Variants in CFAP299 observed in about 807,000 individuals in gnomAD.
The protein encoded by CFAP299 is cilia and flagella associated protein 299.
A neutral mutation model predicts 27.0 loss-of-function variants in CFAP299; 21 were observed. The ratio of observed to expected loss-of-function variants is 0.78; its 90% CI spans 0.55 to 1.12. The LOEUF (loss-of-function observed/expected upper bound fraction) is 1.12. CFAP299 is among the 50% of genes most tolerant of loss of function. The pLI is 0.00. For synonymous variants in CFAP299, 104 were observed against 98.1 expected (o/e 1.06, Z -0.36); for missense variants, 310 against 276.6 (o/e 1.12, Z -0.86).
intron 2 of CFAP299, among the ~76,000 whole-genome samples, chr4:80,520,606 C>T (rs1409576018): frequency 6.6e-6 from 1 of 152,148 alleles, no homozygotes; most frequent in Non-Finnish European, 1.5e-5. Flanking sequence ...AAGTTCCCAA[C>T]GTATTGAGGC....
intron 1 of CFAP299, 59 bp downstream of exon 1, chr4:80,335,938 T>G: frequency 9.1e-7 from 1 of 1,094,258 alleles, no homozygotes; most frequent in Non-Finnish European, 1.4e-6. Context: ...CCTCCTCGAG[T>G]TCCCGCTTCG....
intron 3 of CFAP299, among the ~76,000 whole-genome samples, chr4:80,824,848 G>C (rs558077984): frequency 2.0e-5 from 3 of 152,100 alleles, no homozygotes; most frequent in East Asian, 3.9e-4. Flanking sequence ...CAAATATCCA[G>C]TTTTTAACAA....
intron 3 of CFAP299, among the ~76,000 whole-genome samples, chr4:80,648,090 TAG>T (rs1740116580): frequency 6.6e-6 from 1 of 152,134 alleles, no homozygotes; most frequent in Non-Finnish European, 1.5e-5. Flanking sequence ...TAAGAAAAGT[TAG>T]TTAATGTTTT....
intron 4 of CFAP299, among the ~76,000 whole-genome samples, chr4:80,926,665 A>G (rs1736321905): frequency 6.6e-6 from 1 of 152,070 alleles, no homozygotes; most frequent in African/African-American, 2.4e-5. Context: ...TCATCAAATT[A>G]TGACTCACAA....
intron 3 of CFAP299, among the ~76,000 whole-genome samples, chr4:80,595,880 TC>T (rs146047708): frequency 6.6e-6 from 1 of 152,314 alleles, no homozygotes; most frequent in African/African-American, 2.4e-5. Context: ...GGAGGAACGT[TC>T]AGTTCCAAAA....
intron 3 of CFAP299, among the ~76,000 whole-genome samples, chr4:80,700,277 A>G (rs1721389043): frequency 6.6e-6 from 1 of 152,110 alleles, no homozygotes; most frequent in Admixed American, 6.6e-5. Flanking sequence ...TAATTACTTC[A>G]TAGGACTTTT....
At chr4:80,775,250 G>T (rs1726466020) in intron 3 of CFAP299, among the ~76,000 whole-genome samples, 1 of 151,800 alleles carries the variant, frequency 6.6e-6, no homozygotes. Context: ...GGATATATTT[G>T]TAAGGTATGA....
chr4:80,911,320 T>C (rs1286602007), intron 4 of CFAP299, among the ~76,000 whole-genome samples: 2 of 151,786 alleles, frequency 1.3e-5, no homozygotes, highest in Non-Finnish European at 2.9e-5. Context: ...CCTCCCATTC[T>C]ATTCAACCAA....
chr4:80,944,974 T>C (rs1284505382), intron 5 of CFAP299, 35 bp downstream of exon 5: 1 of 1,576,498 alleles, frequency 6.3e-7, no homozygotes, highest in South Asian at 1.1e-5. Context: ...AGTTACCTCT[T>C]CACATGTTAT....
At chr4:80,493,555 G>C (rs1731252808) in intron 2 of CFAP299, among the ~76,000 whole-genome samples, 1 of 152,056 alleles carries the variant, frequency 6.6e-6, no homozygotes, top group Admixed American at 6.5e-5. Flanking sequence ...GAGTCAGGGT[G>C]GAGTAGGTAA....
At chr4:80,599,899 A>G (rs1411822173) in intron 3 of CFAP299, among the ~76,000 whole-genome samples, 5 of 152,160 alleles carry the variant, frequency 3.3e-5, no homozygotes, top group Admixed American at 6.6e-5. Flanking sequence ...TTGATTATCA[A>G]TGGGAAACTT....
At chr4:80,395,740 A>G (rs1175891937) in intron 2 of CFAP299, among the ~76,000 whole-genome samples, 1 of 152,126 alleles carries the variant, frequency 6.6e-6, no homozygotes, top group Non-Finnish European at 1.5e-5. Flanking sequence ...GCCATTTTTA[A>G]CAATTTGGAC....
intron 2 of CFAP299, among the ~76,000 whole-genome samples, chr4:80,400,503 A>G (rs1053649559): frequency 1.3e-5 from 2 of 152,040 alleles, no homozygotes; most frequent in African/African-American, 4.8e-5. Context: ...GTCTCACGAG[A>G]TCTGATGGGT....
intron 2 of CFAP299, among the ~76,000 whole-genome samples, chr4:80,566,707 C>A (rs1735307638): frequency 6.6e-6 from 1 of 151,976 alleles, no homozygotes; most frequent in South Asian, 2.1e-4. Context: ...TCATTTTTTT[C>A]ATTGGCTTTC....
At chr4:80,691,060 C>T (rs1344179913) in intron 3 of CFAP299, among the ~76,000 whole-genome samples, 1 of 122,856 alleles carries the variant, frequency 8.1e-6, no homozygotes, top group Non-Finnish European at 1.7e-5. Flanking sequence ...AATAGCTTAC[C>T]AACCAAAAAG....
At chr4:80,643,098 A>G (rs974527031) in intron 3 of CFAP299, among the ~76,000 whole-genome samples, 5 of 152,078 alleles carry the variant, frequency 3.3e-5, no homozygotes, top group African/African-American at 1.2e-4. Context: ...GGAGTTCGAG[A>G]CCAGCTTGGG....
At chr4:80,638,326 A>G (rs1739558424) in intron 3 of CFAP299, among the ~76,000 whole-genome samples, 1 of 152,200 alleles carries the variant, frequency 6.6e-6, no homozygotes, top group Non-Finnish European at 1.5e-5. Flanking sequence ...ATTTTCTTCA[A>G]CATTTGAAGA....
At chr4:80,589,762 C>T (rs1046885387) in intron 3 of CFAP299, among the ~76,000 whole-genome samples, 16 of 152,062 alleles carry the variant, frequency 1.1e-4, no homozygotes, top group South Asian at 8.3e-4. Flanking sequence ...TTCATACCCA[C>T]GAGGTCGACA....
At chr4:80,949,909 A>G (rs1263606724) in intron 5 of CFAP299, among the ~76,000 whole-genome samples, 2 of 151,864 alleles carry the variant, frequency 1.3e-5, no homozygotes, top group Non-Finnish European at 2.9e-5. Context: ...GGTGTAGAGC[A>G]GTACAGACGA....
Sources: gnomAD v4.1 joint callset for allele counts (sites outside exome capture counted in the v4.1 genomes callset) on GRCh38, gnomAD v4.1.1 for gene constraint, MANE v1.5 for transcripts, NCBI Gene and HGNC (gene_info 2026-07-23, HGNC 2026-07-21) for gene names.